Variants in CDIN1 observed in about 807,000 individuals in gnomAD.
CDIN1 encodes the protein CDAN1 interacting nuclease 1.
A neutral mutation model predicts 45.3 loss-of-function variants in CDIN1; 33 were observed. The observed-to-expected ratio is 0.73, with a 90% CI of 0.55 to 0.97. The LOEUF (loss-of-function observed/expected upper bound fraction) is 0.97, where lower values mean the gene tolerates loss of function less well. Ranked by LOEUF, CDIN1 falls within the 50% of genes least tolerant of loss-of-function variation. CDIN1 has a pLI of 0.00. For missense variants in CDIN1, 303 were observed against 339.4 expected, an observed-to-expected ratio of 0.89 and a Z score of 0.84; for synonymous variants, 118 against 124.4, an observed-to-expected ratio of 0.95 and a Z score of 0.34.
At chr15:36,584,558 A>T (rs7359219) in intron 1 of CDIN1, among the ~76,000 whole-genome samples, 1 of 152,034 alleles carries the variant, frequency 6.6e-6, no homozygotes, top group Admixed American at 6.5e-5. Flanking sequence ...TTTATTTTAC[A>T]GTAATTTGTA....
Position 36,696,128 on chromosome 15 carries a change from TA to T in CDIN1, c.477-1193del, listed in dbSNP as rs1040730585. On this transcript the variant is annotated intron_variant, in intron 7 of 10. Coordinates refer to ENST00000566621, the MANE Select transcript of CDIN1 (RefSeq NM_001321759.2). The stretch of plus-strand genomic sequence containing the variant: ...TTTCTCATCTATAAAATAAGGATTG[TA>T]ATTATGAGGATAAAATAACATCCTA... Among the ~76,000 whole-genome samples the T allele has an allele frequency of 3.9e-5, 6 of 152,286 alleles. 1 individual carries two copies. Among genetic ancestry groups the T allele is most frequent in the Admixed American group, 6.5e-5 (1 of 15,290 alleles).
At chr15:36,770,362 G>C (rs1349883530) in intron 10 of CDIN1, among the ~76,000 whole-genome samples, 1 of 151,772 alleles carries the variant, frequency 6.6e-6, no homozygotes, top group Non-Finnish European at 1.5e-5. Context: ...GAGGGAGGGA[G>C]AGAGAGAAAA....
intron 7 of CDIN1, among the ~76,000 whole-genome samples, chr15:36,694,453 C>T (rs1346928214): frequency 6.6e-6 from 1 of 152,166 alleles, no homozygotes; most frequent in Non-Finnish European, 1.5e-5. Context: ...GCTAAACCTT[C>T]TTAGTGCCTT....
intron 1 of CDIN1, 67 bp downstream of exon 1, chr15:36,580,028 AGCG>A: frequency 1.4e-6 from 2 of 1,406,268 alleles, no homozygotes; most frequent in Non-Finnish European, 2.0e-6. Flanking sequence ...CCGCCCAGGC[AGCG>A]CTTAGGAACC....
At chr15:36,700,364 TTAG>T (rs779918130) in intron 8 of CDIN1, among the ~76,000 whole-genome samples, 1 of 152,134 alleles carries the variant, frequency 6.6e-6, no homozygotes, top group South Asian at 2.1e-4. Flanking sequence ...TGCATCTCAC[TTAG>T]TAGGTGCTCA....
At chr15:36,672,400 G>T (rs1218714956) in intron 5 of CDIN1, among the ~76,000 whole-genome samples, 1 of 151,896 alleles carries the variant, frequency 6.6e-6, no homozygotes, top group African/African-American at 2.4e-5. Context: ...TACTATTACA[G>T]GCTCTTGGGA....
chr15:36,589,575 G>A (rs906368030), intron 1 of CDIN1, among the ~76,000 whole-genome samples: 2 of 151,634 alleles, frequency 1.3e-5, no homozygotes, highest in Non-Finnish European at 2.9e-5. Flanking sequence ...GCGCCATCTC[G>A]GCTCACTGCA....
chr15:36,600,886 T>G (rs2038064033), intron 1 of CDIN1, among the ~76,000 whole-genome samples: 1 of 152,218 alleles, frequency 6.6e-6, no homozygotes, highest in Non-Finnish European at 1.5e-5. Flanking sequence ...CCTTAACATT[T>G]GTAGATAGAC....
At chr15:36,801,054 C>A (rs2141129795) in intron 10 of CDIN1, among the ~76,000 whole-genome samples, 1 of 150,052 alleles carries the variant, frequency 6.7e-6, no homozygotes, top group South Asian at 2.1e-4. Context: ...TTGATGAAGA[C>A]CCTCATGAAC....
At chr15:36,779,388 T>A (rs1372384693) in intron 10 of CDIN1, among the ~76,000 whole-genome samples, 1 of 152,194 alleles carries the variant, frequency 6.6e-6, no homozygotes, top group Non-Finnish European at 1.5e-5. Context: ...ATTTTTTTCC[T>A]TTGGTGTTCA....
chr15:36,735,283 CTTAA>C (rs1186030967), intron 10 of CDIN1, among the ~76,000 whole-genome samples: 13 of 152,106 alleles, frequency 8.5e-5, no homozygotes, highest in Non-Finnish European at 1.2e-4. Context: ...TACCTCATCT[CTTAA>C]TTAAAGCATT....
intron 10 of CDIN1, among the ~76,000 whole-genome samples, chr15:36,785,445 C>T (rs764980694): frequency 1.5e-4 from 21 of 140,066 alleles, no homozygotes; most frequent in Non-Finnish European, 2.5e-4. Context: ...GGGATCATGA[C>T]TTACTAACCC....
intron 8 of CDIN1, chr15:36,708,820 G>A (rs1162582235): frequency 6.5e-6 from 1 of 154,336 alleles, no homozygotes; most frequent in Non-Finnish European, 1.4e-5. Context: ...TTTCATAACT[G>A]TGAAGGCCAC....
intron 10 of CDIN1, among the ~76,000 whole-genome samples, chr15:36,777,662 G>A (rs2054254376): frequency 6.6e-6 from 1 of 152,034 alleles, no homozygotes; most frequent in Non-Finnish European, 1.5e-5. Flanking sequence ...TCTTTCACTA[G>A]GGCAGTGGCC....
chr15:36,583,669 G>A (rs1045000265), intron 1 of CDIN1, among the ~76,000 whole-genome samples: 2 of 152,160 alleles, frequency 1.3e-5, no homozygotes, highest in African/African-American at 4.8e-5. Context: ...TTATAAACAA[G>A]AATTAAGTTC....
chr15:36,732,525 A>G (rs374592071), intron 10 of CDIN1, among the ~76,000 whole-genome samples: 14 of 152,162 alleles, frequency 9.2e-5, no homozygotes, highest in African/African-American at 3.4e-4. Flanking sequence ...GTGTCAAAAA[A>G]TGTCCTTTCT....
intron 10 of CDIN1, among the ~76,000 whole-genome samples, chr15:36,783,030 A>T (rs550660878): frequency 1.3e-5 from 2 of 152,304 alleles, no homozygotes; most frequent in South Asian, 2.1e-4. Context: ...AGTCTCTTTT[A>T]TGCCATTCAT....
intron 1 of CDIN1, among the ~76,000 whole-genome samples, chr15:36,640,883 A>C (rs1233833727): frequency 6.6e-6 from 1 of 152,234 alleles, no homozygotes; most frequent in East Asian, 1.9e-4. Context: ...TTTTTATATC[A>C]GGCATTTGAA....
intron 10 of CDIN1, among the ~76,000 whole-genome samples, chr15:36,778,125 G>A (rs1170979452): frequency 6.6e-6 from 1 of 152,140 alleles, no homozygotes; most frequent in African/African-American, 2.4e-5. Flanking sequence ...GCCTGGCTTA[G>A]ACTGAGTATA....
Sources: allele counts gnomAD v4.1 joint callset (sites outside exome capture counted in the v4.1 genomes callset), GRCh38; gene constraint gnomAD v4.1.1; transcripts MANE v1.5; gene names NCBI Gene and HGNC (gene_info 2026-07-23, HGNC 2026-07-21).